The following PARP4 variants were observed in gnomAD, a reference collection of about 807,000 sequenced individuals.
PARP4 encodes the protein protein mono-ADP-ribosyltransferase PARP4.
Under a neutral mutation model 187.7 loss-of-function variants are expected in PARP4, and 120 were observed. The ratio of observed to expected loss-of-function variants is 0.64; its 90% confidence interval spans 0.55 to 0.74. The LOEUF (loss-of-function observed/expected upper bound fraction) is 0.74. Among genes scored for constraint, PARP4 ranks in the 30% least tolerant of loss-of-function variants. The pLI is 0.00. For missense variants in PARP4, 1,836 were observed against 2,070.5 expected, an observed-to-expected ratio of 0.89 and a Z score of 2.20; for synonymous variants, 654 against 740.9, an observed-to-expected ratio of 0.88 and a Z score of 1.90.
chr13:24,480,201 T>A (rs1873203012), intron 12 of PARP4, among the ~76,000 whole-genome samples: 1 of 152,212 alleles, frequency 6.6e-6, no homozygotes, highest in Non-Finnish European at 1.5e-5. Flanking sequence ...ATTGCAATTG[T>A]TTTGGGCTGC....
rs1301315975 is a variant in PARP4, at chr13:24,443,681, C to T, written c.3416G>A (p.Gly1139Asp). The T allele has an allele frequency of 1.2e-6, 2 of 1,612,988 alleles. No individual in the cohort carries two copies. Among genetic ancestry groups the T allele is most frequent in the African/African-American group, 2.7e-5 (2 of 74,914 alleles). ...ACTGGTTTCATTTTCGTGAAGAATG[C>T]CATCTTCATAATCTCTGATTAGAGC... Reference protein sequence around the residue: ...ARALIRDYEDGILHENETSHE... With the variant: ...ARALIRDYEDDILHENETSHE... Residue 1139 changes from glycine (G) to aspartate (D), a missense_variant, in exon 28 of 34, where the codon GGC (glycine) becomes GAC (aspartate). Physicochemically the swap from Gly to Asp is moderately conservative, Grantham distance 94. Transcript: ENST00000381989.
intron 32 of PARP4, among the ~76,000 whole-genome samples, chr13:24,429,628 T>G (rs575411865): frequency 2.0e-5 from 3 of 152,096 alleles, no homozygotes; most frequent in Admixed American, 1.3e-4. Context: ...GTCTCTCTAA[T>G]TTGGTGCCAC....
At chr13:24,427,347 T>A (rs1870109201) in intron 32 of PARP4, among the ~76,000 whole-genome samples, 1 of 150,852 alleles carries the variant, frequency 6.6e-6, no homozygotes, top group Admixed American at 6.8e-5. Flanking sequence ...AACAACCCAT[T>A]TTCATTTTAA....
chr13:24,449,953 G>T, intron 24 of PARP4, 136 bp from the exon 25 acceptor site: 1 of 490,176 alleles, frequency 2.0e-6, no homozygotes, highest in South Asian at 3.2e-5. Context: ...TGTCGCTGAG[G>T]TTAAACAGAG....
chr13:24,481,543 A>G (rs1326383728), intron 12 of PARP4, among the ~76,000 whole-genome samples: 2 of 152,268 alleles, frequency 1.3e-5, no homozygotes, highest in Non-Finnish European at 2.9e-5. Flanking sequence ...AAATACAAAA[A>G]TTAGCCAGGC....
Position 24,498,226 on chromosome 13 carries a change from C to T in PARP4, c.481G>A (p.Gly161Arg). The change falls in exon 6 of 34, where the codon GGA (glycine) becomes AGA (arginine). Residue 161 changes from glycine (G) to arginine (R), a missense_variant. Gly to Arg is a moderately radical substitution (Grantham distance 125). This residue lies in a region of PARP4 where 1,147 missense variants were observed against 1,214.2 expected (regional missense o/e 0.94). Transcript: ENST00000381989. ...ACAGCTTCCTGGCCTCCCTCCATTC[C>T]CACCTGGAAAACAGGATGTGCTTTC... ...VAKYNTLEKV[G>R]MEGGQEAVVV... 6.2e-7 allele frequency: 1 copy of T among 1,610,436 alleles called. No homozygotes were observed. Among genetic ancestry groups the T allele is most frequent in the Non-Finnish European group, 8.5e-7 (1 of 1,177,826 alleles).
rs77269056 is a variant in PARP4 at position 24,447,125 on chromosome 13, T to A, written c.3176A>T (p.Gln1059Leu). 1.4e-6 allele frequency: 2 copies of A among 1,477,374 alleles called. No individual in the cohort carries two copies. The highest frequency in any genetic ancestry group is 9.2e-7 in the Non-Finnish European group (1 of 1,091,268). 91.5% of individuals were successfully genotyped at this position (1,477,374 alleles called of 1,614,324 possible). ...PSCHSVSVKW[Q>L]QLNPDVPEAL... ...CTCGGGCACATCTGGATTGAGTTGC[T>A]GCCATTTGACGGAGACAGAGTGGCA... is the stretch of plus-strand genomic sequence containing the variant. The change falls in exon 26 of 34, where the codon CAG becomes CTG. Residue 1059 changes from glutamine (Q) to leucine (L), a missense_variant. Gln to Leu is a moderately radical substitution (Grantham distance 113). Coordinates refer to ENST00000381989, the MANE Select transcript of PARP4 (RefSeq NM_006437.4).
intron 31 of PARP4, among the ~76,000 whole-genome samples, chr13:24,432,385 TG>T (rs1870385577): frequency 6.6e-6 from 1 of 152,210 alleles, no homozygotes; most frequent in African/African-American, 2.4e-5. Flanking sequence ...TATTGAAATA[TG>T]ATTGACATAC....
chr13:24,477,984 A>G (rs1453609463), intron 13 of PARP4, 109 bp downstream of exon 13: 2 of 1,057,814 alleles, frequency 1.9e-6, no homozygotes, highest in South Asian at 3.5e-5. Flanking sequence ...CAGTAAATAT[A>G]TAACAATTAT....
At chr13:24,493,471 G>A in intron 8 of PARP4, 125 bp downstream of exon 8, 1 of 888,934 alleles carries the variant, frequency 1.1e-6, no homozygotes, top group Non-Finnish European at 1.7e-6. Flanking sequence ...CCGGTACAAG[G>A]AAAGAACATT....
intron 24 of PARP4, 99 bp from the exon 25 acceptor site, chr13:24,449,916 C>A: frequency 1.5e-6 from 1 of 647,974 alleles, no homozygotes; most frequent in Non-Finnish European, 2.8e-6. Flanking sequence ...ATAGGAGAGA[C>A]ATGACGTGGG....
intron 4 of PARP4, among the ~76,000 whole-genome samples, chr13:24,499,924 C>T (rs1355659619): frequency 6.6e-6 from 1 of 152,020 alleles, no homozygotes; most frequent in Non-Finnish European, 1.5e-5. Context: ...CTTTAGACTC[C>T]CATACTCCAT....
rs1308030957 is a variant in PARP4, at chr13:24,476,921, C to T, written c.1789+780G>A. 3.3e-5 allele frequency among the ~76,000 whole-genome samples: 5 copies of T among 152,166 alleles called. No homozygotes were observed. In the East Asian group the frequency reaches 5.8e-4, roughly 18 times the overall value. On this transcript the variant is annotated intron_variant, in intron 14 of 33. Transcript: ENST00000381989. ...ATGCGGGTACTGCTCTCATTCCCAT[C>T]GGAGAGAAGGTGGAGCGCAAAAGGT... is the stretch of plus-strand genomic sequence containing the variant.
chr13:24,501,211 C>G (rs1335872799), intron 3 of PARP4, among the ~76,000 whole-genome samples: 1 of 152,128 alleles, frequency 6.6e-6, no homozygotes, highest in African/African-American at 2.4e-5. Flanking sequence ...GGCCAGTTTC[C>G]AAAATAAAAT....
chr13:24,500,487 T>G, intron 3 of PARP4, 105 bp from the exon 4 acceptor site: 1 of 635,702 alleles, frequency 1.6e-6, no homozygotes, highest in Non-Finnish European at 2.6e-6. Context: ...TATCCTTAAA[T>G]TAGTTATAAT....
intron 1 of PARP4, among the ~76,000 whole-genome samples, chr13:24,506,027 C>A (rs933657892): frequency 6.6e-6 from 1 of 152,210 alleles, no homozygotes; most frequent in African/African-American, 2.4e-5. Flanking sequence ...AGAGGCCCCA[C>A]CCTACCTAGT....
chr13:24,501,790 G>A lies in PARP4; in HGVS notation c.177C>T (p.Tyr59=), dbSNP rs767184367. The change falls in exon 3 of 34, where the codon TAC becomes TAT. Residue 59 remains tyrosine, a synonymous_variant. Transcript: ENST00000381989. ...ILDNADVLSQ[Y]QLNSIQKNHV... is the part of the protein sequence containing the mutation. ...GGTTCTTTTGGATAGAATTCAGTTG[G>A]TACTGACTCAGAACATCAGCATTAT... The A allele has an allele frequency of 6.2e-7, 1 of 1,612,508 alleles. No homozygotes were observed. The highest frequency in any genetic ancestry group is 1.1e-5 in the South Asian group (1 of 91,046).
chr13:24,431,594 AACAAG>A (rs1391374201), intron 31 of PARP4, 118 bp from the exon 32 acceptor site: 8 of 679,040 alleles, frequency 1.2e-5, no homozygotes, highest in Non-Finnish European at 2.1e-5. Context: ...CTACTTGGGC[AACAAG>A]ACAATTAGAA....
chr13:24,455,418 A>G (rs1189680289), intron 21 of PARP4, among the ~76,000 whole-genome samples: 1 of 150,824 alleles, frequency 6.6e-6, no homozygotes, highest in Non-Finnish European at 1.5e-5. Flanking sequence ...CTTCTGACAT[A>G]AACTTCTGAG....
Sources: allele counts gnomAD v4.1 joint callset (sites outside exome capture counted in the v4.1 genomes callset), GRCh38; gene constraint gnomAD v4.1.1; regional missense constraint gnomAD v4.1.1; transcripts MANE v1.5; gene names NCBI Gene and HGNC (gene_info 2026-07-23, HGNC 2026-07-21).